CEACAM6: variants seen among roughly 807,000 people sequenced by gnomAD.
The protein encoded by CEACAM6 is cell adhesion molecule CEACAM6.
A neutral mutation model predicts 32.4 loss-of-function variants in CEACAM6; 21 were observed. The ratio of observed to expected loss-of-function variants is 0.65; its 90% confidence interval spans 0.46 to 0.93. The LOEUF (loss-of-function observed/expected upper bound fraction) is 0.93. Among genes scored for constraint, CEACAM6 ranks in the 40% least tolerant of loss-of-function variants. The pLI, the probability that CEACAM6 is intolerant of heterozygous loss-of-function variation, is 0.00. For missense variants in CEACAM6, 406 were observed against 432.2 expected (o/e 0.94, Z 0.54); for synonymous variants, 184 against 174.4 (o/e 1.06, Z -0.43).
chr19:41,761,588 C>T lies in CEACAM6; in HGVS notation c.703+61C>T, dbSNP rs1282449126. ...CAGCCCAAATCCACACAGCCAGAGT[C>T]CAGGTCTCTCAGTCCCTCTCAGGTC... On this transcript the variant is annotated intron_variant, in intron 3 of 5. Transcript: ENST00000199764. The T allele has an allele frequency of 1.9e-5, 31 of 1,597,118 alleles. No homozygotes were observed. In the East Asian group the frequency reaches 6.2e-4, roughly 32 times the overall value.
intron 2 of CEACAM6, among the ~76,000 whole-genome samples, chr19:41,757,161 T>A (rs782550530): frequency 2.0e-5 from 3 of 151,944 alleles, no homozygotes; most frequent in Non-Finnish European, 4.4e-5. Flanking sequence ...CTGCAGACAC[T>A]CGCTGCAGAG....
intron 5 of CEACAM6, 149 bp from the exon 6 acceptor site, chr19:41,770,653 T>C (rs1390407078): frequency 1.3e-5 from 2 of 152,184 alleles, no homozygotes; most frequent in Non-Finnish European, 2.9e-5. Context: ...CTAAACTTAT[T>C]TGGAAAACAA....
intron 2 of CEACAM6, among the ~76,000 whole-genome samples, chr19:41,757,438 G>C (rs1475838266): frequency 3.3e-5 from 5 of 152,116 alleles, no homozygotes; most frequent in African/African-American, 9.7e-5. Flanking sequence ...GGGCAGGGCT[G>C]GCTGGGAGCA....
Position 41,770,990 on chromosome 19 carries a change from T to G in CEACAM6, c.*229T>G, listed in dbSNP as rs10403840. On this transcript the variant is annotated 3_prime_UTR_variant, in exon 6 of 6. Coordinates refer to ENST00000199764, the MANE Select transcript of CEACAM6 (RefSeq NM_002483.7). ...AGAGACTTCACCTAACTAGAGACAG[T>G]CAAACTGCAAACCATGGTGAGAAAT... 76,805 of 151,968 alleles carry G rather than the reference T, an allele frequency of 0.51. 20,166 individuals carry two copies. Among genetic ancestry groups the G allele is most frequent in the Middle Eastern group, 0.68 (199 of 294 alleles). The allele number at this position is 151,968 out of a possible 1,614,324, so 9.4% of individuals were successfully genotyped here.
At chr19:41,760,747 T>C (rs572004280) in intron 2 of CEACAM6, among the ~76,000 whole-genome samples, 43 of 152,260 alleles carry the variant, frequency 2.8e-4, no homozygotes, top group African/African-American at 9.9e-4. Context: ...AAAGGTCCAA[T>C]CCCAGGCCAG....
chr19:41,767,086 T>A (rs977565752), intron 5 of CEACAM6, among the ~76,000 whole-genome samples: 2 of 152,046 alleles, frequency 1.3e-5, no homozygotes, highest in Admixed American at 6.6e-5. Flanking sequence ...CTTTACTAAT[T>A]CTTCTTACTT....
Position 41,761,359 on chromosome 19 carries a change from T to C in CEACAM6, c.535T>C (p.Trp179Arg). The C allele has an allele frequency of 6.2e-7, 1 of 1,614,096 alleles. No individual in the cohort carries two copies. The highest frequency in any genetic ancestry group is 8.5e-7 in the Non-Finnish European group (1 of 1,180,002). The stretch of plus-strand genomic sequence containing the variant: ...GGTTCAGAACACAACCTACCTGTGG[T>C]GGGTAAATGGTCAGAGCCTCCCGGT... ...PEVQNTTYLW[W>R]VNGQSLPVSP... The change falls in exon 3 of 6, where the codon TGG (tryptophan) becomes CGG (arginine). Residue 179 changes from tryptophan (W) to arginine (R), a missense_variant. Trp to Arg is a moderately radical substitution (Grantham distance 101). Transcript: ENST00000199764.
chr19:41,765,562 A>C (rs563791883), intron 4 of CEACAM6, among the ~76,000 whole-genome samples: 2 of 152,218 alleles, frequency 1.3e-5, no homozygotes, highest in Non-Finnish European at 2.9e-5. Context: ...GGAGAGCCTA[A>C]GAGAGCCCTC....
chr19:41,756,971 C>G lies in CEACAM6; in HGVS notation c.424+12C>G. 1.3e-6 allele frequency: 2 copies of G among 1,586,344 alleles called. No individual in the cohort carries two copies. The highest frequency in any genetic ancestry group is 1.2e-5 in the South Asian group (1 of 85,866). On this transcript the variant is annotated intron_variant, in intron 2 of 5. Coordinates refer to ENST00000199764, the MANE Select transcript of CEACAM6 (RefSeq NM_002483.7). ...GTTCCATGTATACCGTGAGTATTTC[C>G]ACATGACCTCTGGGTGTTGGGGGTC...
intron 5 of CEACAM6, among the ~76,000 whole-genome samples, chr19:41,769,573 T>C (rs969281278): frequency 6.6e-6 from 1 of 151,956 alleles, no homozygotes; most frequent in Non-Finnish European, 1.5e-5. Context: ...GGAAACATTT[T>C]TTCTTTTAAG....
In CEACAM6 at chr19:41,765,051, A is replaced by C. The variant is rs2072948731; in HGVS notation, c.959-1132A>C. Among the ~76,000 whole-genome samples, 3 of 152,372 alleles carry C rather than the reference A, an allele frequency of 2.0e-5. No homozygotes were observed. The South Asian group carries it at 6.2e-4, about 32-fold the overall frequency. On this transcript the variant is annotated intron_variant, in intron 4 of 5. Transcript: ENST00000199764. The stretch of plus-strand genomic sequence containing the variant: ...GATTAAGCCTTCAGCAAAATGCCAC[A>C]CACAAAGAAAAGCTTCACAAATATT...
chr19:41,755,636 A>T lies in CEACAM6; in HGVS notation c.-3A>T, dbSNP rs184076382. 6.2e-7 allele frequency: 1 copy of T among 1,611,632 alleles called. No homozygotes were observed. Among genetic ancestry groups the T allele is most frequent in the Non-Finnish European group, 8.5e-7 (1 of 1,178,860 alleles). On this transcript the variant is annotated 5_prime_UTR_variant, in exon 1 of 6. Coordinates refer to ENST00000199764, the MANE Select transcript of CEACAM6 (RefSeq NM_002483.7). ...GAGGTGGACAGAGAAGACAGCAGAG[A>T]CCATGGGACCCCCCTCAGCCCCTCC...
intron 2 of CEACAM6, 52 bp downstream of exon 2, chr19:41,757,011 C>T (rs1262054000): frequency 6.4e-7 from 1 of 1,557,768 alleles, no homozygotes; most frequent in African/African-American, 1.4e-5. Context: ...CTACTTCCCA[C>T]ATACGGGATT....
chr19:41,767,076 CTT>C (rs1338411303), intron 5 of CEACAM6, among the ~76,000 whole-genome samples: 2 of 151,488 alleles, frequency 1.3e-5, no homozygotes, highest in African/African-American at 4.8e-5. Context: ...AATTTCTTCT[CTT>C]TACTAATTCT....
chr19:41,758,249 T>G (rs1220163800), intron 2 of CEACAM6, among the ~76,000 whole-genome samples: 1 of 152,088 alleles, frequency 6.6e-6, no homozygotes, highest in Admixed American at 6.5e-5. Flanking sequence ...GTCACTCCCA[T>G]GGGAGGATAA....
Position 41,765,145 on chromosome 19 carries a change from C to T in CEACAM6, c.959-1038C>T, listed in dbSNP as rs150061183. Reference sequence around the variant, plus strand: ...TAGTCCTAGAGTCAAATTCTAAATCCACTTGTCACTAACCATGTGACTTTG... The same window carrying T: ...TAGTCCTAGAGTCAAATTCTAAATCTACTTGTCACTAACCATGTGACTTTG... On this transcript the variant is annotated intron_variant, in intron 4 of 5. Transcript: ENST00000199764. Among the ~76,000 whole-genome samples, 210 of 152,312 alleles carry T rather than the reference C, an allele frequency of 1.4e-3. 1 individual carries two copies. Among genetic ancestry groups the T allele is most frequent in the African/African-American group, 5.0e-3 (208 of 41,558 alleles).
chr19:41,762,724 C>A (rs1226480544), intron 4 of CEACAM6, among the ~76,000 whole-genome samples: 2 of 152,202 alleles, frequency 1.3e-5, no homozygotes, highest in Non-Finnish European at 2.9e-5. Flanking sequence ...CATCTCTGCT[C>A]CCAGCACCCC....
intron 2 of CEACAM6, among the ~76,000 whole-genome samples, chr19:41,758,475 C>T (rs2072902694): frequency 6.6e-6 from 1 of 152,182 alleles, no homozygotes; most frequent in African/African-American, 2.4e-5. Flanking sequence ...GGCTGACACC[C>T]ATGTTCCATC....
intron 2 of CEACAM6, among the ~76,000 whole-genome samples, chr19:41,760,286 C>A (rs782059332): frequency 1.3e-5 from 2 of 152,174 alleles, no homozygotes; most frequent in East Asian, 3.9e-4. Context: ...TGACTTATTG[C>A]ATTTAGCATA....
Sources: gnomAD v4.1 joint callset for allele counts (sites outside exome capture counted in the v4.1 genomes callset) on GRCh38, gnomAD v4.1.1 for gene constraint, MANE v1.5 for transcripts, NCBI Gene and HGNC (gene_info 2026-07-23, HGNC 2026-07-21) for gene names.